The following ZNF45 variants were observed in gnomAD, a reference collection of about 807,000 sequenced individuals.
ZNF45 encodes zinc finger protein 45.
In ZNF45, 4 loss-of-function variants were observed where a neutral mutation model predicts 12.0. That is an observed-to-expected ratio of 0.33 (90% CI 0.16 to 0.76). ZNF45 has a LOEUF of 0.76. Among genes scored for constraint, ZNF45 ranks in the 30% least tolerant of loss-of-function variants. The pLI is 0.60. For synonymous variants in ZNF45, 272 were observed against 279.6 expected, an observed-to-expected ratio of 0.97 and a Z score of 0.27; for missense variants, 700 against 813.0, an observed-to-expected ratio of 0.86 and a Z score of 1.69.
chr19:43,923,545 TG>T (rs1680839065), intron 6 of ZNF45, among the ~76,000 whole-genome samples: 1 of 152,196 alleles, frequency 6.6e-6, no homozygotes, highest in African/African-American at 2.4e-5. Flanking sequence ...AGTCATTCAC[TG>T]GGGGACTTGG....
chr19:43,926,718 A>G (rs1973709805), intron 3 of ZNF45, among the ~76,000 whole-genome samples: 1 of 152,216 alleles, frequency 6.6e-6, no homozygotes, highest in Non-Finnish European at 1.5e-5. Flanking sequence ...AGTGGAATGC[A>G]GGGGTTCTAC....
chr19:43,919,594 AG>A lies in ZNF45; in HGVS notation c.120del (p.Phe41SerfsTer19). On this transcript the variant is annotated frameshift_variant, in exon 8 of 10. Coordinates refer to ENST00000269973, the MANE Select transcript of ZNF45 (RefSeq NM_003425.4). LOFTEE classifies it high-confidence loss of function. ...RKLYRDVMLENFRNVVSVGHQ... is the reference protein window; with the variant it reads ...RKLYRDVMLEXFRNVVSVGHQ... The stretch of plus-strand genomic sequence containing the variant: ...TCACCCACTGAGACCACATTCCTGA[AG>A]TTCTCCAGCATCACATCTCGGTACA... 7.4e-6 allele frequency: 12 copies of A among 1,612,834 alleles called. No individual in the cohort carries two copies. The highest frequency in any genetic ancestry group is 1.0e-5 in the Non-Finnish European group (12 of 1,179,196).
rs1263757904 is a variant in ZNF45, at chr19:43,929,762, C to G, written c.-400+2842G>C. On this transcript the variant is annotated intron_variant, in intron 3 of 9. Transcript: ENST00000269973. The stretch of plus-strand genomic sequence containing the variant: ...CTCCCTGCCAGCCTGTAGAATTATC[C>G]AAATGGTCAATTAAATCTTCTTGCA... Among the ~76,000 whole-genome samples, 22 of 152,158 alleles carry G rather than the reference C, an allele frequency of 1.4e-4. 1 individual carries two copies. The highest frequency in any genetic ancestry group is 1.5e-5 in the Non-Finnish European group (1 of 68,030).
intron 9 of ZNF45, 136 bp downstream of exon 9, chr19:43,918,734 T>C (rs1250743759): frequency 3.6e-5 from 24 of 668,812 alleles, no homozygotes; most frequent in Non-Finnish European, 2.6e-6. Flanking sequence ...CCCAATAAAT[T>C]AGAATTAGAT....
At chr19:43,928,582 G>C (rs1973879738) in intron 3 of ZNF45, among the ~76,000 whole-genome samples, 2 of 152,138 alleles carry the variant, frequency 1.3e-5, no homozygotes, top group South Asian at 2.1e-4. Context: ...TAATGCTGCT[G>C]GTCCCTAAAT....
intron 9 of ZNF45, among the ~76,000 whole-genome samples, chr19:43,915,749 C>A (rs992071473): frequency 3.3e-5 from 5 of 152,182 alleles, no homozygotes; most frequent in African/African-American, 1.2e-4. Flanking sequence ...GTCTGATGAT[C>A]TGAGGTAGAA....
At position 43,913,417 on chromosome 19, in the gene ZNF45, T is replaced by C; in HGVS notation, c.2019A>G (p.Ser673=). 6.4e-7 allele frequency: 1 copy of C among 1,559,210 alleles called. No homozygotes were observed. Among genetic ancestry groups the C allele is most frequent in the Non-Finnish European group, 8.7e-7 (1 of 1,153,894 alleles). The change falls in exon 10 of 10, where the codon TCA becomes TCG. Residue 673 remains serine, a synonymous_variant. Coordinates refer to ENST00000269973, the MANE Select transcript of ZNF45 (RefSeq NM_003425.4). ...ADDEGDKDFP[S]SEDSHRKTR ...GAGTTTTCCTGTGTGAATCCTCTGA[T>C]GAAGGAAAGTCCTTGTCACCCTCAT...
chr19:43,932,091 T>G (rs1392428621), intron 3 of ZNF45, among the ~76,000 whole-genome samples: 1 of 152,128 alleles, frequency 6.6e-6, no homozygotes, highest in Non-Finnish European at 1.5e-5. Flanking sequence ...ATCCCAGCAC[T>G]TTGAGAGGCG....
intron 7 of ZNF45, among the ~76,000 whole-genome samples, chr19:43,920,629 C>T (rs1327110617): frequency 2.1e-5 from 3 of 140,592 alleles, no homozygotes; most frequent in African/African-American, 7.9e-5. Context: ...GAGACAGAGC[C>T]TTGCTCTGTT....
At position 43,914,022 on chromosome 19, in the gene ZNF45, A is replaced by T. The variant is rs1972426992; in HGVS notation, c.1414T>A (p.Tyr472Asn). 3 of 1,613,906 alleles carry T rather than the reference A, an allele frequency of 1.9e-6. No individual in the cohort carries two copies. In the African/African-American group the frequency reaches 4.0e-5, roughly 22 times the overall value. Residue 472 changes from tyrosine to asparagine, a missense_variant, in exon 10 of 10, where the codon TAC becomes AAC. Transcript: ENST00000269973. ...HQRGHTGEKP[Y>N]KCGTCGKGFS... ...CCCTTCCCACATGTACCACATTTGT[A>T]GGGTTTCTCTCCAGTGTGGCCTCTT...
Position 43,914,171 on chromosome 19 carries a change from C to A in ZNF45, c.1265G>T (p.Gly422Val). The change falls in exon 10 of 10, where the codon GGT becomes GTT. Residue 422 changes from glycine (G) to valine (V), a missense_variant. Gly to Val is a moderately radical substitution (Grantham distance 109). Coordinates refer to ENST00000269973, the MANE Select transcript of ZNF45 (RefSeq NM_003425.4). ...GEKPYQCDAC[G>V]KGFSRSSDFN... ...ATCTGAGCTACGACTGAAGCCCTTA[C>A]CACATGCATCACACTGATACGGTTT... 1.2e-6 allele frequency: 2 copies of A among 1,608,448 alleles called. No homozygotes were observed. The highest frequency in any genetic ancestry group is 1.7e-6 in the Non-Finnish European group (2 of 1,175,662).
At chr19:43,929,860 TA>T (rs2147177739) in intron 3 of ZNF45, 1 of 152,220 alleles carries the variant, frequency 6.6e-6, no homozygotes, top group East Asian at 1.9e-4. Flanking sequence ...TGGTTCAATC[TA>T]TTCTCAAGTG....
At chr19:43,925,545 A>G (rs1973604122) in intron 3 of ZNF45, 87 bp from the exon 4 acceptor site, 1 of 152,290 alleles carries the variant, frequency 6.6e-6, no homozygotes, top group South Asian at 2.1e-4. Flanking sequence ...AATTATTCTT[A>G]GTTCTCTTAC....
rs76869914 is a variant in ZNF45, at chr19:43,932,682, C to T, written c.-478G>A. The stretch of plus-strand genomic sequence containing the variant: ...ATGATAATGTCCATGAAACAGAGGT[C>T]CCTGAAGTCTAATGGGAGAGAGATA... On this transcript the variant is annotated 5_prime_UTR_variant, in exon 3 of 10. Transcript: ENST00000269973. 9.0e-3 allele frequency: 1,372 copies of T among 152,266 alleles called. 20 individuals carry two copies. Among genetic ancestry groups the T allele is most frequent in the African/African-American group, 0.031 (1,280 of 41,542 alleles). The allele number at this position is 152,266 out of a possible 1,614,324, so 9.4% of individuals were successfully genotyped here. A position where few individuals can be genotyped will look rare whatever the true frequency, so the allele number is the denominator to read the frequency against.
At position 43,914,544 on chromosome 19, in the gene ZNF45, G is replaced by C. The variant is rs1358147107; in HGVS notation, c.892C>G (p.His298Asp). ...CACTTATATGGTTTCTTTCCAGTGTGAACTTTCAGATGAACTTGAAGATAT... is the reference window on the plus strand; with the variant it reads ...CACTTATATGGTTTCTTTCCAGTGTCAACTTTCAGATGAACTTGAAGATAT... ...RSYLQVHLKV[H>D]TGKKPYKCEE... The change falls in exon 10 of 10, where the codon CAC becomes GAC. Residue 298 changes from histidine (H) to aspartate (D), a missense_variant. By Grantham distance (81) the His-to-Asp change is moderately conservative (BLOSUM62 -1). Coordinates refer to ENST00000269973, the MANE Select transcript of ZNF45 (RefSeq NM_003425.4). 1.9e-6 allele frequency: 3 copies of C among 1,612,484 alleles called. No homozygotes were observed. The Admixed American group carries it at 5.0e-5, about 27-fold the overall frequency.
intron 9 of ZNF45, 124 bp from the exon 10 acceptor site, chr19:43,915,324 T>G (rs1972552034): frequency 1.0e-6 from 1 of 974,240 alleles, no homozygotes. Context: ...TTCCATTGCC[T>G]ACTGCATAGA....
chr19:43,916,855 G>A (rs446674), intron 9 of ZNF45, among the ~76,000 whole-genome samples: 65,347 of 151,782 alleles, frequency 0.43, 15,482 homozygotes, highest in East Asian at 0.57. Flanking sequence ...AGAAAATCAT[G>A]CTGATCACAA....
chr19:43,917,193 G>A (rs1264246954), intron 9 of ZNF45, among the ~76,000 whole-genome samples: 1 of 152,148 alleles, frequency 6.6e-6, no homozygotes, highest in Non-Finnish European at 1.5e-5. Flanking sequence ...AGCAAGAAAT[G>A]TATTTCTCCG....
At chr19:43,930,626 G>A (rs1384941394) in intron 3 of ZNF45, among the ~76,000 whole-genome samples, 1 of 152,134 alleles carries the variant, frequency 6.6e-6, no homozygotes, top group Non-Finnish European at 1.5e-5. Flanking sequence ...AGTATAAGAT[G>A]CCCCTAGAGC....
Sources: allele counts gnomAD v4.1 joint callset (sites outside exome capture counted in the v4.1 genomes callset), GRCh38; gene constraint gnomAD v4.1.1; transcripts MANE v1.5; gene names NCBI Gene and HGNC (gene_info 2026-07-23, HGNC 2026-07-21).